The following ATP8A1 variants were observed in gnomAD, a reference collection of about 807,000 sequenced individuals.
ATP8A1 encodes the protein phospholipid-transporting ATPase IA.
A neutral mutation model predicts 177.7 loss-of-function variants in ATP8A1; 90 were observed. The observed-to-expected ratio is 0.51, with a 90% CI of 0.43 to 0.60. ATP8A1 has a LOEUF of 0.60. Ranked by LOEUF, ATP8A1 falls within the 20% of genes least tolerant of loss-of-function variation. The pLI is 0.00. For missense variants in ATP8A1, 1,072 were observed against 1,392.8 expected, an observed-to-expected ratio of 0.77 and a Z score of 3.67; for synonymous variants, 493 against 485.9, an observed-to-expected ratio of 1.01 and a Z score of -0.19.
intron 20 of ATP8A1, among the ~76,000 whole-genome samples, chr4:42,537,518 T>TA (rs1727973982): frequency 6.6e-6 from 1 of 152,080 alleles, no homozygotes; most frequent in Non-Finnish European, 1.5e-5. Context: ...CTAAAAACCC[T>TA]AAAAACTCCT....
chr4:42,450,535 C>T (rs570130295), intron 30 of ATP8A1, among the ~76,000 whole-genome samples: 1 of 152,334 alleles, frequency 6.6e-6, no homozygotes, highest in South Asian at 2.1e-4. Flanking sequence ...TGTAATTCTC[C>T]TGGCCTCCAG....
At chr4:42,536,008 T>G (rs1435072329) in intron 20 of ATP8A1, among the ~76,000 whole-genome samples, 3 of 151,958 alleles carry the variant, frequency 2.0e-5, no homozygotes, top group Admixed American at 6.6e-5. Flanking sequence ...CATCAAAAAG[T>G]CTGAAAGAGC....
chr4:42,486,678 A>G (rs997712458), intron 24 of ATP8A1, among the ~76,000 whole-genome samples: 1 of 152,202 alleles, frequency 6.6e-6, no homozygotes, highest in African/African-American at 2.4e-5. Context: ...TCACTTAACT[A>G]TGTTTTGGTC....
At chr4:42,560,833 AAAGT>A (rs1730744038) in intron 15 of ATP8A1, among the ~76,000 whole-genome samples, 1 of 152,108 alleles carries the variant, frequency 6.6e-6, no homozygotes, top group South Asian at 2.1e-4. Flanking sequence ...GATTGGTGCA[AAAGT>A]AATTTGAGAT....
intron 5 of ATP8A1, among the ~76,000 whole-genome samples, chr4:42,611,460 T>C (rs1192661375): frequency 6.6e-6 from 1 of 152,222 alleles, no homozygotes; most frequent in Non-Finnish European, 1.5e-5. Flanking sequence ...CTGCTAAGGA[T>C]CGCAGCTCTA....
intron 24 of ATP8A1, among the ~76,000 whole-genome samples, chr4:42,499,097 A>G (rs1723561890): frequency 6.6e-6 from 1 of 152,178 alleles, no homozygotes; most frequent in African/African-American, 2.4e-5. Context: ...TACTTCTCAT[A>G]CATTAGGTGG....
intron 5 of ATP8A1, among the ~76,000 whole-genome samples, chr4:42,611,016 T>C (rs1431417431): frequency 6.6e-6 from 1 of 152,218 alleles, no homozygotes; most frequent in African/African-American, 2.4e-5. Context: ...TGAAATGAAT[T>C]GAACCAGATG....
rs550613720 is a variant in ATP8A1, at chr4:42,524,943, A to C, written c.1723-96T>G. On this transcript the variant is annotated intron_variant, in intron 20 of 36. Transcript: ENST00000381668. ...AATAGCAGTAGGAAATCAGTGTAAC[A>C]ACCACCAATCTCTTTTGGCATTCGT... The C allele has an allele frequency of 2.5e-5, 17 of 667,076 alleles. No homozygotes were observed. The African/African-American group carries it at 2.6e-4, about 10-fold the overall frequency. 41.3% of individuals were successfully genotyped at this position (667,076 alleles called of 1,614,324 possible).
intron 14 of ATP8A1, 53 bp downstream of exon 14, chr4:42,574,566 G>T: frequency 7.0e-7 from 1 of 1,428,550 alleles, no homozygotes; most frequent in Non-Finnish European, 9.8e-7. Flanking sequence ...GTACCAAACT[G>T]TTAGCACTAA....
At chr4:42,616,167 T>C in intron 4 of ATP8A1, 89 bp from the exon 5 acceptor site, 1 of 1,141,444 alleles carries the variant, frequency 8.8e-7, no homozygotes, top group South Asian at 1.4e-5. Context: ...AGATTTAGCT[T>C]ATGTTTCTCA....
rs1288482620 is a variant in ATP8A1 at position 42,409,409 on chromosome 4, CTA to C, written c.*3505_*3506del. 2 of 152,052 alleles carry C rather than the reference CTA, an allele frequency of 1.3e-5. No homozygotes were observed. The highest frequency in any genetic ancestry group is 6.6e-5 in the Admixed American group (1 of 15,266). 9.4% of individuals were successfully genotyped at this position (152,052 alleles called of 1,614,324 possible). The stretch of plus-strand genomic sequence containing the variant: ...TTATTTTAATGTGAGAAAAATCAGA[CTA>C]TGGTATCTTACGAGTCATTATAGAA... On this transcript the variant is annotated 3_prime_UTR_variant, in exon 37 of 37. Coordinates refer to ENST00000381668, the MANE Select transcript of ATP8A1 (RefSeq NM_006095.2).
chr4:42,548,083 A>T (rs1729108369), intron 19 of ATP8A1, among the ~76,000 whole-genome samples: 1 of 152,218 alleles, frequency 6.6e-6, no homozygotes, highest in African/African-American at 2.4e-5. Context: ...CTTATCACTG[A>T]TTATAACTGA....
At chr4:42,581,855 G>T in intron 9 of ATP8A1, 123 bp from the exon 10 acceptor site, 1 of 696,628 alleles carries the variant, frequency 1.4e-6, no homozygotes, top group Admixed American at 2.9e-5. Context: ...TTTCTGGAAA[G>T]TAATTTCCCC....
intron 20 of ATP8A1, among the ~76,000 whole-genome samples, chr4:42,543,695 T>G (rs1405370191): frequency 6.6e-6 from 1 of 152,156 alleles, no homozygotes; most frequent in Non-Finnish European, 1.5e-5. Flanking sequence ...AATTGAATTA[T>G]AAAAATAACC....
intron 33 of ATP8A1, among the ~76,000 whole-genome samples, chr4:42,442,205 A>T (rs1716711384): frequency 6.6e-6 from 1 of 152,234 alleles, no homozygotes; most frequent in Non-Finnish European, 1.5e-5. Flanking sequence ...TAAAATAAAC[A>T]TTAAGAAATG....
intron 35 of ATP8A1, among the ~76,000 whole-genome samples, chr4:42,415,617 T>C (rs1713155987): frequency 6.6e-6 from 1 of 152,168 alleles, no homozygotes; most frequent in African/African-American, 2.4e-5. Context: ...AAGAACATAA[T>C]AGGCATGAGA....
At chr4:42,518,411 T>C (rs1009151458) in intron 22 of ATP8A1, among the ~76,000 whole-genome samples, 6 of 152,198 alleles carry the variant, frequency 3.9e-5, no homozygotes, top group Non-Finnish European at 8.8e-5. Context: ...ACAAATGTAA[T>C]ACATGGTTTT....
intron 22 of ATP8A1, among the ~76,000 whole-genome samples, chr4:42,519,005 C>T (rs1469324726): frequency 2.6e-5 from 4 of 152,168 alleles, no homozygotes; most frequent in Non-Finnish European, 5.9e-5. Context: ...TATTAAAAAT[C>T]CTACAGTCCT....
rs1553920759 is a variant in ATP8A1, at chr4:42,636,156, ACG to A, written c.50-9049_50-9048del. 1.6e-3 allele frequency among the ~76,000 whole-genome samples: 145 copies of A among 90,958 alleles called. 3 individuals are homozygous for A. Among genetic ancestry groups the A allele is most frequent in the African/African-American group, 4.6e-3 (138 of 30,266 alleles). 59.7% of individuals were successfully genotyped at this position (90,958 alleles called of 152,430 possible). On this transcript the variant is annotated intron_variant, in intron 1 of 36. Transcript: ENST00000381668. ...CACACACACACACACACACACACAC[ACG>A]CACACACACACACATAAGCTTCTTA...
Sources: allele counts gnomAD v4.1 joint callset (sites outside exome capture counted in the v4.1 genomes callset), GRCh38; gene constraint gnomAD v4.1.1; transcripts MANE v1.5; gene names NCBI Gene and HGNC (gene_info 2026-07-23, HGNC 2026-07-21).